The following CNTNAP4 variants were observed in gnomAD, a reference collection of about 807,000 sequenced individuals.
CNTNAP4 encodes contactin-associated protein-like 4.
CNTNAP4 carries 98 observed loss-of-function variants against 148.4 expected under a neutral mutation model. The ratio of observed to expected loss-of-function variants is 0.66; its 90% CI spans 0.56 to 0.78. The LOEUF (loss-of-function observed/expected upper bound fraction) is 0.78. CNTNAP4 is among the 30% of genes least tolerant of loss of function. The probability of loss-of-function intolerance (pLI) is 0.00; values close to 1 mark genes in which losing one functional copy is unlikely to be tolerated. For synonymous variants in CNTNAP4, 730 were observed against 565.1 expected (o/e 1.29, Z -4.14); for missense variants, 1,935 against 1,565.6 (o/e 1.24, Z -3.98).
chr16:76,290,777 T>C (rs1597092779), intron 1 of CNTNAP4, among the ~76,000 whole-genome samples: 1 of 152,194 alleles, frequency 6.6e-6, no homozygotes, highest in Non-Finnish European at 1.5e-5. Flanking sequence ...TAGTCTTCTA[T>C]GGCTGCCATA....
chr16:76,517,749 A>G (rs1005417330), intron 15 of CNTNAP4, among the ~76,000 whole-genome samples: 3 of 152,146 alleles, frequency 2.0e-5, no homozygotes, highest in Non-Finnish European at 4.4e-5. Flanking sequence ...TTGTGTAACA[A>G]TGACCACACC....
At chr16:76,347,094 G>A (rs17698989) in intron 2 of CNTNAP4, among the ~76,000 whole-genome samples, 28,334 of 151,748 alleles carry the variant, frequency 0.19, 3,440 homozygotes, top group East Asian at 0.47. Context: ...TCTTTGAAAT[G>A]TAGTTTACAA....
At chr16:76,334,187 T>TAAC (rs1567744566) in intron 2 of CNTNAP4, among the ~76,000 whole-genome samples, 3 of 151,186 alleles carry the variant, frequency 2.0e-5, no homozygotes, top group African/African-American at 7.3e-5. Flanking sequence ...ATAATAATAA[T>TAAC]AATAATAATA....
chr16:76,363,779 T>C (rs1055776427), intron 3 of CNTNAP4, among the ~76,000 whole-genome samples: 1 of 152,130 alleles, frequency 6.6e-6, no homozygotes, highest in African/African-American at 2.4e-5. Context: ...GTTTTAAATA[T>C]GACCTCAATC....
intron 9 of CNTNAP4, among the ~76,000 whole-genome samples, chr16:76,465,037 C>T (rs2081126971): frequency 6.6e-6 from 1 of 152,196 alleles, no homozygotes; most frequent in Non-Finnish European, 1.5e-5. Flanking sequence ...TCACATCCCC[C>T]TCCCTTGTGT....
At chr16:76,356,020 G>A (rs555650083) in intron 3 of CNTNAP4, among the ~76,000 whole-genome samples, 18 of 151,648 alleles carry the variant, frequency 1.2e-4, no homozygotes, top group African/African-American at 4.1e-4. Flanking sequence ...GATTATAGTC[G>A]CCCACAACCA....
intron 3 of CNTNAP4, among the ~76,000 whole-genome samples, chr16:76,418,356 T>C (rs2079059980): frequency 2.8e-5 from 2 of 71,706 alleles, no homozygotes; most frequent in East Asian, 4.9e-4. Context: ...TTTTTCTTTG[T>C]CTATTACAGC....
chr16:76,327,489 G>T (rs1334244713), intron 2 of CNTNAP4, among the ~76,000 whole-genome samples: 1 of 152,100 alleles, frequency 6.6e-6, no homozygotes, highest in African/African-American at 2.4e-5. Context: ...TGTCTTTGCT[G>T]TTGTGACCAG....
At chr16:76,385,146 A>G (rs1044374250) in intron 3 of CNTNAP4, among the ~76,000 whole-genome samples, 2 of 152,158 alleles carry the variant, frequency 1.3e-5, no homozygotes, top group Non-Finnish European at 2.9e-5. Flanking sequence ...AATATAACGC[A>G]TTTTGTTGAT....
chr16:76,544,838 G>A (rs1030140313), intron 21 of CNTNAP4, among the ~76,000 whole-genome samples: 7 of 152,108 alleles, frequency 4.6e-5, no homozygotes, highest in African/African-American at 1.4e-4. Context: ...GAGCCAAGAT[G>A]TACTTTCAAA....
intron 3 of CNTNAP4, among the ~76,000 whole-genome samples, chr16:76,402,253 G>A (rs1421912663): frequency 6.6e-6 from 1 of 151,976 alleles, no homozygotes; most frequent in Non-Finnish European, 1.5e-5. Context: ...TTTCTTCCGG[G>A]TTTAGTCTTG....
intron 23 of CNTNAP4, among the ~76,000 whole-genome samples, chr16:76,556,112 C>T (rs2085186880): frequency 6.6e-6 from 1 of 152,148 alleles, no homozygotes; most frequent in African/African-American, 2.4e-5. Context: ...CTATGTTCTA[C>T]ATCTTAGATG....
At chr16:76,325,752 G>A (rs1017433449) in intron 2 of CNTNAP4, among the ~76,000 whole-genome samples, 2 of 151,834 alleles carry the variant, frequency 1.3e-5, no homozygotes, top group African/African-American at 2.4e-5. Flanking sequence ...CCAAAAATAA[G>A]CAAAAGGAAG....
intron 4 of CNTNAP4, among the ~76,000 whole-genome samples, chr16:76,447,220 G>A (rs143167117): frequency 1.3e-5 from 2 of 152,018 alleles, no homozygotes; most frequent in African/African-American, 2.4e-5. Flanking sequence ...TGAGGTGGGA[G>A]GGTCGCTTGA....
intron 1 of CNTNAP4, among the ~76,000 whole-genome samples, chr16:76,299,959 C>T (rs1959770614): frequency 1.3e-5 from 2 of 151,662 alleles, no homozygotes; most frequent in Admixed American, 1.3e-4. Context: ...AACACATGGA[C>T]ACAGGAAGGG....
At chr16:76,480,894 C>T (rs1597684162) in intron 12 of CNTNAP4, among the ~76,000 whole-genome samples, 2 of 152,108 alleles carry the variant, frequency 1.3e-5, no homozygotes, top group South Asian at 4.1e-4. Flanking sequence ...AATCAACAAG[C>T]ATATTCTAAA....
At chr16:76,338,361 C>T (rs1430547409) in intron 2 of CNTNAP4, among the ~76,000 whole-genome samples, 1 of 152,144 alleles carries the variant, frequency 6.6e-6, no homozygotes, top group Non-Finnish European at 1.5e-5. Context: ...ATGACAACTG[C>T]CCTCCTGTTG....
At chr16:76,437,534 G>A (rs1474586418) in intron 4 of CNTNAP4, among the ~76,000 whole-genome samples, 1 of 152,098 alleles carries the variant, frequency 6.6e-6, no homozygotes, top group African/African-American at 2.4e-5. Flanking sequence ...AAAAAGGATA[G>A]TAACTGCTAA....
At chr16:76,312,884 A>G (rs1961290227) in intron 1 of CNTNAP4, among the ~76,000 whole-genome samples, 2 of 152,210 alleles carry the variant, frequency 1.3e-5, no homozygotes, top group Non-Finnish European at 2.9e-5. Context: ...TTCCTAGCAC[A>G]GAGTGCTCTC....
Sources: allele counts gnomAD v4.1 joint callset (sites outside exome capture counted in the v4.1 genomes callset), GRCh38; gene constraint gnomAD v4.1.1; transcripts MANE v1.5; gene names NCBI Gene and HGNC (gene_info 2026-07-23, HGNC 2026-07-21).